Variants in RAD18 observed in about 807,000 individuals in gnomAD.
RAD18 encodes E3 ubiquitin-protein ligase RAD18.
A neutral mutation model predicts 60.4 loss-of-function variants in RAD18; 47 were observed. The observed-to-expected ratio is 0.78, with a 90% CI of 0.62 to 0.99. The LOEUF is 0.99. Ranked by LOEUF, RAD18 falls within the 50% of genes least tolerant of loss-of-function variation. The probability of loss-of-function intolerance (pLI) is 0.00; values close to 1 mark genes in which losing one functional copy is unlikely to be tolerated. For synonymous variants in RAD18, 225 were observed against 195.5 expected, an observed-to-expected ratio of 1.15 and a Z score of -1.26; for missense variants, 640 against 593.3, an observed-to-expected ratio of 1.08 and a Z score of -0.82.
chr3:8,907,507 G>A (rs982675497), intron 9 of RAD18, among the ~76,000 whole-genome samples: 6 of 151,996 alleles, frequency 3.9e-5, no homozygotes, highest in Non-Finnish European at 7.4e-5. Flanking sequence ...CCATCTCACC[G>A]CCCAAATATT....
chr3:8,958,822 G>A (rs1347017825), intron 2 of RAD18, 98 bp downstream of exon 2: 5 of 942,230 alleles, frequency 5.3e-6, no homozygotes, highest in African/African-American at 1.6e-5. Context: ...AGAGCTAAAG[G>A]TGAAACATAA....
chr3:8,945,468 CTTTTTTTTTTT>C (rs375744764), intron 4 of RAD18, among the ~76,000 whole-genome samples: 7 of 96,374 alleles, frequency 7.3e-5, no homozygotes, highest in East Asian at 5.7e-4. Context: ...TTTCCATCTT[CTTTTTTTTTTT>C]TTTTTTTTTT....
Position 8,941,536 on chromosome 3 carries a change from C to T in RAD18, c.535G>A (p.Ala179Thr), listed in dbSNP as rs767423682. 2.4e-5 allele frequency: 39 copies of T among 1,613,912 alleles called. No individual in the cohort carries two copies. The highest frequency in any genetic ancestry group is 4.5e-5 in the East Asian group (2 of 44,894). The change falls in exon 5 of 13, where the codon GCT becomes ACT. Residue 179 changes from alanine to threonine, a missense_variant. By Grantham distance (58) the Ala-to-Thr change is moderately conservative. Transcript: ENST00000264926. ...CGCTTAGCCTCTGAGGGATCTGGAG[C>T]GATCTCTTCTACAGAACGTGTCTCT... ...TKETRSVEEI[A>T]PDPSEAKRPE... is the part of the protein sequence containing the mutation.
chr3:8,952,967 A>G (rs1940950393), intron 2 of RAD18, among the ~76,000 whole-genome samples: 2 of 152,160 alleles, frequency 1.3e-5, no homozygotes, highest in South Asian at 4.1e-4. Context: ...TATTTAATAT[A>G]CCTATCTCTA....
At chr3:8,962,270 G>A (rs1177186961) in intron 1 of RAD18, among the ~76,000 whole-genome samples, 1 of 152,166 alleles carries the variant, frequency 6.6e-6, no homozygotes, top group African/African-American at 2.4e-5. Flanking sequence ...TTTCACCCAG[G>A]ACCACTGGAA....
intron 8 of RAD18, chr3:8,912,591 T>C: frequency 3.1e-6 from 1 of 321,582 alleles, no homozygotes; most frequent in Non-Finnish European, 5.6e-6. Flanking sequence ...CAGTAGAAAA[T>C]GCAACATGAT....
intron 1 of RAD18, among the ~76,000 whole-genome samples, chr3:8,959,848 C>G (rs1297474443): frequency 2.0e-5 from 3 of 147,938 alleles, no homozygotes; most frequent in Non-Finnish European, 4.4e-5. Context: ...CACCACTATA[C>G]TCCAGCCTGC....
chr3:8,946,099 G>C (rs890796098), intron 4 of RAD18, among the ~76,000 whole-genome samples: 4 of 152,164 alleles, frequency 2.6e-5, no homozygotes, highest in African/African-American at 4.8e-5. Context: ...CTCACTCATT[G>C]ACTCATCAAG....
At position 8,912,385 on chromosome 3, in the gene RAD18, A is replaced by G. The variant is rs199978402; in HGVS notation, c.967-13T>C. 2.3e-4 allele frequency: 346 copies of G among 1,508,566 alleles called. 7 individuals are homozygous for G. In the South Asian group the frequency reaches 3.0e-3, roughly 13 times the overall value. 93.4% of individuals were successfully genotyped at this position (1,508,566 alleles called of 1,614,324 possible). A position where few individuals can be genotyped will look rare whatever the true frequency, so the allele number is the denominator to read the frequency against. On this transcript the variant is annotated splice_polypyrimidine_tract_variant and intron_variant, in intron 8 of 12. Transcript: ENST00000264926. ...TAAAAACCATTACCTAAAATAATCA[A>G]AAAAAGACCTTAATAAAAATCTCCC...
At chr3:8,917,787 C>G (rs1439044811) in intron 7 of RAD18, among the ~76,000 whole-genome samples, 3 of 151,994 alleles carry the variant, frequency 2.0e-5, no homozygotes, top group Non-Finnish European at 4.4e-5. Context: ...CCAGTATTTA[C>G]ATTAAAGAAA....
intron 2 of RAD18, among the ~76,000 whole-genome samples, chr3:8,951,447 G>GAATCT (rs1940923301): frequency 6.6e-6 from 1 of 152,150 alleles, no homozygotes; most frequent in South Asian, 2.1e-4. Flanking sequence ...CAAATTGAAG[G>GAATCT]AATCTGTTTT....
intron 7 of RAD18, among the ~76,000 whole-genome samples, chr3:8,916,340 G>A (rs1384291728): frequency 2.6e-5 from 4 of 152,138 alleles, no homozygotes; most frequent in Non-Finnish European, 4.4e-5. Context: ...TTTTCTGCCT[G>A]CCACAAACCT....
intron 7 of RAD18, among the ~76,000 whole-genome samples, chr3:8,925,760 T>G (rs576244998): frequency 1.3e-5 from 2 of 152,026 alleles, no homozygotes; most frequent in African/African-American, 4.8e-5. Flanking sequence ...GTTCAACATA[T>G]GCAAATCAAT....
chr3:8,941,178 T>TA (rs1313070027), intron 5 of RAD18, among the ~76,000 whole-genome samples: 1 of 152,176 alleles, frequency 6.6e-6, no homozygotes, highest in Non-Finnish European at 1.5e-5. Context: ...TGGGAACTGA[T>TA]ATGTTGAATG....
intron 12 of RAD18, among the ~76,000 whole-genome samples, chr3:8,882,706 C>A (rs1342374626): frequency 6.6e-6 from 1 of 152,146 alleles, no homozygotes; most frequent in Non-Finnish European, 1.5e-5. Context: ...ATGAGAAAAA[C>A]CCTCTGGCAA....
intron 9 of RAD18, among the ~76,000 whole-genome samples, chr3:8,907,552 C>T (rs944596269): frequency 1.1e-4 from 16 of 152,204 alleles, no homozygotes; most frequent in Admixed American, 3.9e-4. Context: ...ATCCTTTGCC[C>T]ATAAAAACAC....
rs1488848157 is a variant in RAD18, at chr3:8,909,860, T to A, written c.1027+2452A>T. Among the ~76,000 whole-genome samples the A allele has an allele frequency of 2.0e-5, 3 of 152,190 alleles. No homozygotes were observed. The South Asian group carries it at 6.2e-4, about 32-fold the overall frequency. On this transcript the variant is annotated intron_variant, in intron 9 of 12. Coordinates refer to ENST00000264926, the MANE Select transcript of RAD18 (RefSeq NM_020165.4). ...GATGAGAGAAAAAAAATTATCATAA[T>A]GTTTAATAAAGTTTACAAATTCGTT...
chr3:8,957,593 C>G (rs188931052), intron 2 of RAD18, among the ~76,000 whole-genome samples: 10 of 152,298 alleles, frequency 6.6e-5, no homozygotes, highest in African/African-American at 2.2e-4. Context: ...TAGGTTCATG[C>G]TCTTTCCTGT....
chr3:8,960,515 C>G (rs1333586195), intron 1 of RAD18, among the ~76,000 whole-genome samples: 2 of 152,060 alleles, frequency 1.3e-5, no homozygotes, highest in Non-Finnish European at 2.9e-5. Context: ...CGCTAATGGT[C>G]CATATGATGA....
Sources: allele counts gnomAD v4.1 joint callset (sites outside exome capture counted in the v4.1 genomes callset), GRCh38; gene constraint gnomAD v4.1.1; transcripts MANE v1.5; gene names NCBI Gene and HGNC (gene_info 2026-07-23, HGNC 2026-07-21).